BNC1: variants seen among roughly 807,000 people sequenced by gnomAD.
BNC1 encodes zinc finger protein basonuclin-1.
A neutral mutation model predicts 66.5 loss-of-function variants in BNC1; 8 were observed. That is an observed-to-expected ratio of 0.12 (90% CI 0.07 to 0.22). The LOEUF is 0.22. BNC1 is among the 10% of genes least tolerant of loss of function. The pLI is 1.00. For missense variants in BNC1, 1,069 were observed against 1,241.3 expected (o/e 0.86, Z 2.09); for synonymous variants, 454 against 452.6 (o/e 1.00, Z -0.04).
At chr15:83,283,215 G>T (rs1468521241) in intron 1 of BNC1, 8 of 1,535,716 alleles carry the variant, frequency 5.2e-6, no homozygotes, top group Non-Finnish European at 7.0e-6. Flanking sequence ...CACCGCATTT[G>T]TGAAAGTTTG....
In BNC1 at chr15:83,266,971, C is replaced by T. The variant is rs1171989132; in HGVS notation, c.300G>A (p.Gly100=). The stretch of plus-strand genomic sequence containing the variant: ...TTAGGCGAACGGGGATGGCCTGGGT[C>T]CCATAGAGCATGAGGCTGCTAATAT... ...VFDISSLMLY[G]TQAIPVRLKI... The change falls in exon 3 of 5, where the codon GGG becomes GGA. Residue 100 remains glycine (G), a synonymous_variant. Transcript: ENST00000345382. The T allele has an allele frequency of 6.2e-7, 1 of 1,614,098 alleles. No homozygotes were observed. Among genetic ancestry groups the T allele is most frequent in the East Asian group, 2.2e-5 (1 of 44,876 alleles).
Position 83,263,435 on chromosome 15 carries a change from C to T in BNC1, c.1816G>A (p.Glu606Lys), listed in dbSNP as rs371976797. ...ACTGATTCACGATGGCAGGGCCTCTCCCCTTCAGGGAAAGGCTTCCCTAAG... is the reference window on the plus strand; with the variant it reads ...ACTGATTCACGATGGCAGGGCCTCTTCCCTTCAGGGAAAGGCTTCCCTAAG... ...GGLGKPFPEGERPCHRESVIE... is the reference protein window; with the variant it reads ...GGLGKPFPEGKRPCHRESVIE... Residue 606 changes from glutamate (E) to lysine (K), a missense_variant, in exon 4 of 5, where the codon GAG becomes AAG. Glu to Lys is a moderately conservative substitution (Grantham distance 56). Around this residue, in one of 7 missense-constraint regions of BNC1, gnomAD observed 657 missense variants for 715.8 expected, o/e 0.92. Coordinates refer to ENST00000345382, the MANE Select transcript of BNC1 (RefSeq NM_001717.4). 1.2e-6 allele frequency: 2 copies of T among 1,614,118 alleles called. No individual in the cohort carries two copies. Among genetic ancestry groups the T allele is most frequent in the African/African-American group, 2.7e-5 (2 of 74,942 alleles).
At chr15:83,282,387 G>T (rs959931460) in intron 1 of BNC1, among the ~76,000 whole-genome samples, 4 of 152,146 alleles carry the variant, frequency 2.6e-5, no homozygotes, top group Non-Finnish European at 5.9e-5. Context: ...ATGCCAAAAA[G>T]AATAAAGTTA....
In BNC1 at chr15:83,264,768, C is replaced by T; in HGVS notation, c.483G>A (p.Glu161=). 1 of 1,614,186 alleles carries T rather than the reference C, an allele frequency of 6.2e-7. No individual in the cohort carries two copies. Among genetic ancestry groups the T allele is most frequent in the Non-Finnish European group, 8.5e-7 (1 of 1,180,040 alleles). Reference sequence around the variant, plus strand: ...ACTGCTGCAAGGTGGCCACTTCTTCCTCACTGGTCATGATGCTCCAGTGAT... The same window carrying T: ...ACTGCTGCAAGGTGGCCACTTCTTCTTCACTGGTCATGATGCTCCAGTGAT... ...VLDHWSIMTS[E]EEVATLQQFL... The change falls in exon 4 of 5, where the codon GAG becomes GAA. Residue 161 remains glutamate, a synonymous_variant. Transcript: ENST00000345382.
intron 1 of BNC1, among the ~76,000 whole-genome samples, chr15:83,269,861 A>G (rs957619521): frequency 3.9e-5 from 6 of 152,258 alleles, no homozygotes; most frequent in Admixed American, 6.5e-5. Context: ...AAAATGTGAT[A>G]TATCCACTCA....
intron 1 of BNC1, among the ~76,000 whole-genome samples, chr15:83,283,929 CAA>C (rs1297109140): frequency 6.6e-6 from 1 of 152,084 alleles, no homozygotes; most frequent in Non-Finnish European, 1.5e-5. Flanking sequence ...TGTTGCTCTA[CAA>C]AAGATTTGTC....
intron 1 of BNC1, among the ~76,000 whole-genome samples, chr15:83,272,428 G>A (rs950106553): frequency 1.1e-4 from 16 of 140,686 alleles, no homozygotes; most frequent in African/African-American, 4.2e-4. Flanking sequence ...AGTAGAGACG[G>A]GTTTTGCCAT....
chr15:83,274,660 T>C (rs1449515405), intron 1 of BNC1, among the ~76,000 whole-genome samples: 1 of 152,208 alleles, frequency 6.6e-6, no homozygotes, highest in East Asian at 1.9e-4. Flanking sequence ...CTCAGAAACT[T>C]AAATTTATGG....
intron 1 of BNC1, among the ~76,000 whole-genome samples, chr15:83,278,050 T>C (rs889539382): frequency 2.6e-5 from 4 of 152,184 alleles, no homozygotes; most frequent in Non-Finnish European, 5.9e-5. Flanking sequence ...TGAAAAATAG[T>C]ATCACCCTTT....
intron 1 of BNC1, chr15:83,283,553 T>C: frequency 1.0e-6 from 1 of 973,402 alleles, no homozygotes; most frequent in South Asian, 4.8e-5. Flanking sequence ...GGCCGGGGGC[T>C]TCCCGTCCCG....
At chr15:83,281,966 C>G (rs1331478874) in intron 1 of BNC1, among the ~76,000 whole-genome samples, 1 of 152,210 alleles carries the variant, frequency 6.6e-6, no homozygotes, top group South Asian at 2.1e-4. Context: ...TCCAGTAAAT[C>G]TCATGCTTCC....
chr15:83,284,513 G>A lies in BNC1; in HGVS notation c.99+17C>T. The stretch of plus-strand genomic sequence containing the variant: ...CGCACAGAGAATCCCCGCGCCCGCG[G>A]AGGGCGCCGCGCTTACCTCGGCCAT... On this transcript the variant is annotated intron_variant, in intron 1 of 4. Transcript: ENST00000345382. 1 of 1,199,726 alleles carries A rather than the reference G, an allele frequency of 8.3e-7. No homozygotes were observed. The highest frequency in any genetic ancestry group is 1.0e-6 in the Non-Finnish European group (1 of 955,252). The allele number at this position is 1,199,726 out of a possible 1,614,324, so 74.3% of individuals were successfully genotyped here.
chr15:83,281,889 G>T (rs995223054), intron 1 of BNC1, among the ~76,000 whole-genome samples: 1 of 152,212 alleles, frequency 6.6e-6, no homozygotes, highest in African/African-American at 2.4e-5. Context: ...TACAGAAAGT[G>T]GGCATGGGCC....
At chr15:83,261,436 T>C (rs982041865) in intron 4 of BNC1, among the ~76,000 whole-genome samples, 2 of 152,242 alleles carry the variant, frequency 1.3e-5, no homozygotes, top group South Asian at 4.1e-4. Context: ...AGTGGTGGTG[T>C]TGAACTGCTT....
At chr15:83,279,698 C>A (rs2038359996) in intron 1 of BNC1, among the ~76,000 whole-genome samples, 1 of 152,164 alleles carries the variant, frequency 6.6e-6, no homozygotes, top group Non-Finnish European at 1.5e-5. Flanking sequence ...GGATCATTGG[C>A]TTTCTACAAT....
Position 83,263,234 on chromosome 15 carries a change from C to T in BNC1, c.2017G>A (p.Glu673Lys), listed in dbSNP as rs1243219399. 1 of 1,614,204 alleles carries T rather than the reference C, an allele frequency of 6.2e-7. No homozygotes were observed. The highest frequency in any genetic ancestry group is 2.2e-5 in the East Asian group (1 of 44,882). Residue 673 changes from glutamate to lysine, a missense_variant, in exon 4 of 5, where the codon GAA becomes AAA. Transcript: ENST00000345382. ...EPQVPFSDYM[E>K]LQQRLLAGGL... The stretch of plus-strand genomic sequence containing the variant: ...CCAGCCAGCAGGCGCTGCTGCAGTT[C>T]CATGTAGTCAGAAAAAGGAACTTGG...
intron 1 of BNC1, among the ~76,000 whole-genome samples, chr15:83,270,077 G>C (rs1567194225): frequency 1.3e-5 from 2 of 152,200 alleles, no homozygotes; most frequent in Non-Finnish European, 2.9e-5. Context: ...GTGGAGAGTA[G>C]GGTATGGATA....
chr15:83,275,601 G>C (rs1447558452), intron 1 of BNC1, among the ~76,000 whole-genome samples: 1 of 152,118 alleles, frequency 6.6e-6, no homozygotes, highest in Non-Finnish European at 1.5e-5. Flanking sequence ...ATCATCAAGA[G>C]CCTTTGAGGA....
chr15:83,257,219 G>GA lies in BNC1; in HGVS notation c.*222dup. ...TTCTGCAAGTTTTCCTTGTATCAGT[G>GA]AAAGACCTCTTGGGCTAAGAAAAAT... On this transcript the variant is annotated 3_prime_UTR_variant, in exon 5 of 5. Transcript: ENST00000345382. The GA allele has an allele frequency of 1.7e-6, 1 of 588,236 alleles. No individual in the cohort carries two copies. The highest frequency in any genetic ancestry group is 3.0e-6 in the Non-Finnish European group (1 of 338,648). The allele number at this position is 588,236 out of a possible 1,614,324, so 36.4% of individuals were successfully genotyped here. A position where few individuals can be genotyped will look rare whatever the true frequency, so the allele number is the denominator to read the frequency against.
Sources: allele counts gnomAD v4.1 joint callset (sites outside exome capture counted in the v4.1 genomes callset), GRCh38; gene constraint gnomAD v4.1.1; regional missense constraint gnomAD v4.1.1; transcripts MANE v1.5; gene names NCBI Gene and HGNC (gene_info 2026-07-23, HGNC 2026-07-21).